ELF2: variants seen among roughly 807,000 people sequenced by gnomAD.
The protein encoded by ELF2 is ETS-related transcription factor Elf-2.
In ELF2, 11 loss-of-function variants were observed where a neutral mutation model predicts 54.8. The ratio of observed to expected loss-of-function variants is 0.20; its 90% CI spans 0.13 to 0.33. ELF2 has a LOEUF of 0.33. Among genes scored for constraint, ELF2 ranks in the 10% least tolerant of loss-of-function variants. ELF2 has a pLI of 1.00. For missense variants in ELF2, 513 were observed against 703.0 expected, an observed-to-expected ratio of 0.73 and a Z score of 3.06; for synonymous variants, 203 against 245.1, an observed-to-expected ratio of 0.83 and a Z score of 1.61.
At chr4:139,107,288 C>A (rs1328014630) in intron 4 of ELF2, among the ~76,000 whole-genome samples, 1 of 152,094 alleles carries the variant, frequency 6.6e-6, no homozygotes, top group Non-Finnish European at 1.5e-5. Context: ...TCTGTTGACC[C>A]CCTCTGAGTG....
intron 3 of ELF2, among the ~76,000 whole-genome samples, chr4:139,129,360 A>G (rs1164705665): frequency 6.6e-6 from 1 of 152,112 alleles, no homozygotes; most frequent in African/African-American, 2.4e-5. Flanking sequence ...CTACCTTCTC[A>G]AGTAAGCCCA....
chr4:139,064,323 AAGAAC>A (rs1162346092), intron 7 of ELF2, among the ~76,000 whole-genome samples: 1 of 152,186 alleles, frequency 6.6e-6, no homozygotes, highest in African/African-American at 2.4e-5. Flanking sequence ...TCAAGAAAAA[AAGAAC>A]AGAAAAGAGT....
intron 7 of ELF2, among the ~76,000 whole-genome samples, chr4:139,064,613 C>T (rs1021287222): frequency 6.6e-6 from 1 of 152,172 alleles, no homozygotes; most frequent in South Asian, 2.1e-4. Context: ...GGCGTGTTGG[C>T]TCATGTGTGT....
At chr4:139,145,261 T>G (rs865988542) in intron 1 of ELF2, among the ~76,000 whole-genome samples, 1 of 152,280 alleles carries the variant, frequency 6.6e-6, no homozygotes, top group Non-Finnish European at 1.5e-5. Context: ...GCACTACGGC[T>G]ATTTACAACC....
chr4:139,084,920 A>G (rs192507160), intron 4 of ELF2, among the ~76,000 whole-genome samples: 304 of 152,266 alleles, frequency 2.0e-3, no homozygotes, highest in African/African-American at 7.0e-3. Flanking sequence ...TCTGAGACCA[A>G]CTTCGTCCTT....
intron 4 of ELF2, chr4:139,116,626 T>A: frequency 1.0e-6 from 1 of 958,094 alleles, no homozygotes; most frequent in Non-Finnish European, 1.2e-6. Flanking sequence ...CAAACATTCT[T>A]AATAAATTAA....
At chr4:139,088,278 T>C (rs1325923099) in intron 4 of ELF2, among the ~76,000 whole-genome samples, 2 of 98,318 alleles carry the variant, frequency 2.0e-5, no homozygotes, top group African/African-American at 8.8e-5. Flanking sequence ...AGAACAAGAC[T>C]CTGTCTAAAA....
In ELF2 at chr4:139,059,313, A is replaced by G. The variant is rs747680726; in HGVS notation, c.1452T>C (p.Ile484=). The change falls in exon 10 of 10, where the codon ATT becomes ATC. Residue 484 remains isoleucine, a synonymous_variant. Coordinates refer to ENST00000686138, the MANE Select transcript of ELF2 (RefSeq NM_001331036.3). Reference sequence around the variant, plus strand: ...CAGCCAATGGGGTTCCAACAATGTTAATGCTTCCTGATCCAGTCAGATTTG... The same window carrying G: ...CAGCCAATGGGGTTCCAACAATGTTGATGCTTCCTGATCCAGTCAGATTTG... ...TKSNLTGSGS[I]NIVGTPLAVR... 3.1e-6 allele frequency: 5 copies of G among 1,613,870 alleles called. No individual in the cohort carries two copies. The highest frequency in any genetic ancestry group is 8.5e-7 in the Non-Finnish European group (1 of 1,179,878).
chr4:139,096,748 G>A (rs1733334355), intron 4 of ELF2, among the ~76,000 whole-genome samples: 1 of 151,854 alleles, frequency 6.6e-6, no homozygotes, highest in Non-Finnish European at 1.5e-5. Context: ...AGGATTACAG[G>A]TGTAAGCAAC....
At chr4:139,139,993 G>C (rs1738551264) in intron 1 of ELF2, among the ~76,000 whole-genome samples, 1 of 152,184 alleles carries the variant, frequency 6.6e-6, no homozygotes, top group Non-Finnish European at 1.5e-5. Flanking sequence ...GCAGTGGTGA[G>C]ATCACGGCTC....
intron 4 of ELF2, among the ~76,000 whole-genome samples, chr4:139,099,663 C>T (rs568252916): frequency 1.3e-5 from 2 of 152,298 alleles, no homozygotes; most frequent in African/African-American, 2.4e-5. Flanking sequence ...CCTCTTCCTC[C>T]TATACCCAGA....
At chr4:139,082,687 A>T (rs975104318) in intron 4 of ELF2, among the ~76,000 whole-genome samples, 1 of 152,154 alleles carries the variant, frequency 6.6e-6, no homozygotes, top group Non-Finnish European at 1.5e-5. Flanking sequence ...CTTACCTAAA[A>T]ACAATGGATG....
chr4:139,106,740 CTTTTTT>C (rs35312494), intron 4 of ELF2, among the ~76,000 whole-genome samples: 1 of 93,756 alleles, frequency 1.1e-5, no homozygotes. Flanking sequence ...AACTATATTT[CTTTTTT>C]TTTTTTTTTT....
chr4:139,161,586 T>A (rs1741142735), intron 1 of ELF2, among the ~76,000 whole-genome samples: 1 of 136,854 alleles, frequency 7.3e-6, no homozygotes, highest in African/African-American at 2.8e-5. Context: ...AACAGGAAAG[T>A]AACCTGAATG....
chr4:139,065,285 C>G (rs990792522), intron 7 of ELF2, among the ~76,000 whole-genome samples: 2 of 152,072 alleles, frequency 1.3e-5, no homozygotes, highest in African/African-American at 2.4e-5. Flanking sequence ...TGAGAATAGC[C>G]TAGGCAACAT....
chr4:139,150,831 G>A (rs985311029), intron 1 of ELF2, among the ~76,000 whole-genome samples: 8 of 151,830 alleles, frequency 5.3e-5, no homozygotes, highest in Admixed American at 5.3e-4. Flanking sequence ...GACCATCCTC[G>A]CTAACACGGT....
intron 1 of ELF2, 90 bp from the exon 2 acceptor site, chr4:139,139,587 T>C (rs985577077): frequency 1.6e-6 from 1 of 606,144 alleles, no homozygotes; most frequent in South Asian, 8.7e-5. Flanking sequence ...TAGTAAATAC[T>C]TAATAAAACA....
At chr4:139,131,356 T>C (rs1467876816) in intron 3 of ELF2, among the ~76,000 whole-genome samples, 1 of 150,108 alleles carries the variant, frequency 6.7e-6, no homozygotes, top group East Asian at 1.9e-4. Flanking sequence ...AGAGAGATTC[T>C]TAGTTTAAAG....
chr4:139,123,020 T>C (rs888654323), intron 4 of ELF2, among the ~76,000 whole-genome samples: 2 of 151,432 alleles, frequency 1.3e-5, no homozygotes, highest in Admixed American at 6.6e-5. Flanking sequence ...CTGTCTCTAC[T>C]AAAAAATACA....
Sources: gnomAD v4.1 joint callset for allele counts (sites outside exome capture counted in the v4.1 genomes callset) on GRCh38, gnomAD v4.1.1 for gene constraint, MANE v1.5 for transcripts, NCBI Gene and HGNC (gene_info 2026-07-23, HGNC 2026-07-21) for gene names.